The following PEX1 variants were observed in gnomAD, a reference collection of about 807,000 sequenced individuals.
The protein encoded by PEX1 is peroxisomal ATPase PEX1.
PEX1 carries 97 observed loss-of-function variants against 152.5 expected under a neutral mutation model. The observed-to-expected ratio is 0.64, with a 90% CI of 0.54 to 0.75. The LOEUF is 0.75. PEX1 is among the 30% of genes least tolerant of loss of function. The pLI, the probability that PEX1 is intolerant of heterozygous loss-of-function variation, is 0.00. For synonymous variants in PEX1, 485 were observed against 531.6 expected, an observed-to-expected ratio of 0.91 and a Z score of 1.21; for missense variants, 1,357 against 1,516.3, an observed-to-expected ratio of 0.89 and a Z score of 1.74.
intron 5 of PEX1, among the ~76,000 whole-genome samples, chr7:92,515,067 C>CTA (rs67750906): frequency 4.8e-5 from 6 of 125,156 alleles, no homozygotes; most frequent in Non-Finnish European, 8.3e-5. Flanking sequence ...AAAAAATTAT[C>CTA]TATATATATA....
intron 15 of PEX1, among the ~76,000 whole-genome samples, 196 bp from the exon 16 acceptor site, chr7:92,500,034 A>G (rs1306566925): frequency 6.6e-6 from 1 of 152,192 alleles, no homozygotes; most frequent in Non-Finnish European, 1.5e-5. Context: ...AACTACGACA[A>G]ATTTTTTCCA....
chr7:92,495,461 A>G (rs534596370), intron 17 of PEX1, among the ~76,000 whole-genome samples: 2 of 152,304 alleles, frequency 1.3e-5, no homozygotes, highest in South Asian at 4.1e-4. Context: ...TGATTTGTGT[A>G]AAGACTTCTT....
chr7:92,517,837 A>G lies in PEX1; in HGVS notation c.678T>C (p.Thr226=). 1 of 1,545,066 alleles carries G rather than the reference A, an allele frequency of 6.5e-7. No homozygotes were observed. Among genetic ancestry groups the G allele is most frequent in the Non-Finnish European group, 8.7e-7 (1 of 1,151,654 alleles). The change falls in exon 5 of 24, where the codon ACT becomes ACC. Residue 226 remains threonine, a synonymous_variant. Transcript: ENST00000248633. ...KQLQSNTVGI[T]ESNENESEIP... ...TCTCTGACTCGTTTTCATTAGATTC[A>G]GTGATTCCCACAGTATTTGACTGAA...
chr7:92,490,048 A>T (rs1407844232), intron 21 of PEX1, 137 bp from the exon 22 acceptor site: 1 of 736,562 alleles, frequency 1.4e-6, no homozygotes, highest in Non-Finnish European at 2.3e-6. Flanking sequence ...AATTAACTGA[A>T]ATTAAGCAAG....
chr7:92,487,680 G>A, intron 23 of PEX1, 139 bp from the exon 24 acceptor site: 1 of 465,326 alleles, frequency 2.1e-6, no homozygotes, highest in East Asian at 3.3e-5. Flanking sequence ...TCCAGTCACA[G>A]AAATTAAAAA....
intron 2 of PEX1, among the ~76,000 whole-genome samples, chr7:92,521,579 C>A (rs1259733148): frequency 6.6e-6 from 1 of 151,992 alleles, no homozygotes; most frequent in Non-Finnish European, 1.5e-5. Context: ...GGATTACAGG[C>A]ACCTGCCACC....
chr7:92,491,468 A>AAG lies in PEX1; in HGVS notation c.3241_3242insCT (p.Leu1081ProfsTer25). The stretch of plus-strand genomic sequence containing the variant: ...ATGGTTAAGAAAGACCATTGAAGAC[A>AAG]GACTTAGGTCACTATCAGAGCTGGA... On this transcript the variant is annotated frameshift_variant, in exon 21 of 24. Coordinates refer to ENST00000248633, the MANE Select transcript of PEX1 (RefSeq NM_000466.3). LOFTEE classifies it high-confidence loss of function. 1 of 1,613,050 alleles carries AAG rather than the reference A, an allele frequency of 6.2e-7. No homozygotes were observed. The highest frequency in any genetic ancestry group is 8.5e-7 in the Non-Finnish European group (1 of 1,179,090).
rs78396498 is a variant in PEX1, at chr7:92,526,655, T to C, written c.129+1652A>G. Among the ~76,000 whole-genome samples the C allele has an allele frequency of 3.0e-3, 464 of 152,334 alleles. 5 individuals are homozygous for C. Among genetic ancestry groups the C allele is most frequent in the African/African-American group, 0.011 (452 of 41,576 alleles). On this transcript the variant is annotated intron_variant, in intron 1 of 23. Coordinates refer to ENST00000248633, the MANE Select transcript of PEX1 (RefSeq NM_000466.3). The stretch of plus-strand genomic sequence containing the variant: ...TGGTCAATCATAGTAAACAATTAAA[T>C]AAATTATGGCAAATTTGTGCTAGAA...
chr7:92,493,250 A>G (rs1712787481), intron 19 of PEX1, 121 bp from the exon 20 acceptor site: 2 of 596,442 alleles, frequency 3.4e-6, no homozygotes. Context: ...TTTATAAGTA[A>G]GTTGAGAAAT....
intron 16 of PEX1, among the ~76,000 whole-genome samples, chr7:92,499,503 T>C (rs1313645646): frequency 1.3e-5 from 2 of 152,072 alleles, no homozygotes; most frequent in African/African-American, 2.4e-5. Flanking sequence ...GGCAAATCCA[T>C]AGAGACAAAA....
chr7:92,513,833 T>C lies in PEX1; in HGVS notation c.1359+15A>G, dbSNP rs1216417031. 3.8e-6 allele frequency: 6 copies of C among 1,580,036 alleles called. No individual in the cohort carries two copies. Among genetic ancestry groups the C allele is most frequent in the Non-Finnish European group, 4.3e-6 (5 of 1,151,914 alleles). ...TGTAAAAGAATTTTGATGTAACATATATATTTGAACTCACTAAATTCTCTC... is the reference window on the plus strand; with the variant it reads ...TGTAAAAGAATTTTGATGTAACATACATATTTGAACTCACTAAATTCTCTC... On this transcript the variant is annotated intron_variant, in intron 6 of 23. Transcript: ENST00000248633.
Position 92,503,179 on chromosome 7 carries a change from T to C in PEX1, c.2088A>G (p.Ile696Met), listed in dbSNP as rs35996821. The C allele has an allele frequency of 0.034, 54,665 of 1,613,270 alleles. 1,067 individuals carry two copies. The highest frequency in any genetic ancestry group is 0.063 in the Middle Eastern group (384 of 6,054). ...AACTTCCCATGGAGATAAACTCTTT[T>C]ATCATATCATTCAAAGCTGGAATTA... The part of the protein sequence containing the change: ...QRLAHALNDM[I>M]KEFISMGSLV... Residue 696 changes from isoleucine (I) to methionine (M), a missense_variant, in exon 13 of 24, where the codon ATA becomes ATG. By Grantham distance (10) the Ile-to-Met change is conservative (BLOSUM62 1). Coordinates refer to ENST00000248633, the MANE Select transcript of PEX1 (RefSeq NM_000466.3).
In PEX1 at chr7:92,519,045, A is replaced by G. The variant is rs1346480992; in HGVS notation, c.307T>C (p.Cys103Arg). 6.2e-7 allele frequency: 1 copy of G among 1,610,736 alleles called. No homozygotes were observed. Among genetic ancestry groups the G allele is most frequent in the African/African-American group, 1.3e-5 (1 of 74,898 alleles). Residue 103 changes from cysteine (C) to arginine (R), a missense_variant, in exon 3 of 24, where the codon TGT becomes CGT. Physicochemically the swap from Cys to Arg is radical, Grantham distance 180. Transcript: ENST00000248633. ...FLKPCSHVVS[C>R]QQVEVEPLSA... ...AGGGGTTCCACCTCAACTTGTTGACAAGATACCACATGGGAACATGGCTTG... is the reference window on the plus strand; with the variant it reads ...AGGGGTTCCACCTCAACTTGTTGACGAGATACCACATGGGAACATGGCTTG...
intron 17 of PEX1, among the ~76,000 whole-genome samples, chr7:92,495,760 T>C (rs1359244032): frequency 2.0e-5 from 3 of 152,124 alleles, no homozygotes; most frequent in Non-Finnish European, 4.4e-5. Flanking sequence ...ATCTTGGCTT[T>C]GTGAGCTTCT....
Position 92,513,926 on chromosome 7 carries a change from A to C in PEX1, c.1281T>G (p.His427Gln). The stretch of plus-strand genomic sequence containing the variant: ...CCACTGGAGTTATCCTGACTACGGC[A>C]TGCATTTCTATATTTAGTCTCTTCC... ...DLRKRLNIEMHAVVRITPVEV... is the reference protein window; with the variant it reads ...DLRKRLNIEMQAVVRITPVEV... The change falls in exon 6 of 24, where the codon CAT becomes CAG. Residue 427 changes from histidine to glutamine, a missense_variant. His to Gln is a conservative substitution (Grantham distance 24). Transcript: ENST00000248633. 6.3e-7 allele frequency: 1 copy of C among 1,591,250 alleles called. No homozygotes were observed. Among genetic ancestry groups the C allele is most frequent in the Non-Finnish European group, 8.6e-7 (1 of 1,160,310 alleles).
At chr7:92,518,848 G>A in intron 3 of PEX1, 147 bp downstream of exon 3, 1 of 690,118 alleles carries the variant, frequency 1.4e-6, no homozygotes, top group Non-Finnish European at 2.6e-6. Flanking sequence ...GGGACTATAG[G>A]CATGAGCTAC....
At chr7:92,512,947 T>C (rs1163197185) in intron 6 of PEX1, among the ~76,000 whole-genome samples, 1 of 152,080 alleles carries the variant, frequency 6.6e-6, no homozygotes, top group East Asian at 1.9e-4. Flanking sequence ...GATCTTTAAG[T>C]TCAATATCTC....
At chr7:92,516,851 C>A (rs1166738872) in intron 5 of PEX1, among the ~76,000 whole-genome samples, 2 of 152,176 alleles carry the variant, frequency 1.3e-5, no homozygotes, top group East Asian at 3.8e-4. Context: ...ATGGATCTCT[C>A]CCTACACTGG....
At chr7:92,506,159 G>A in intron 11 of PEX1, 89 bp downstream of exon 11, 1 of 780,030 alleles carries the variant, frequency 1.3e-6, no homozygotes, top group South Asian at 1.4e-5. Context: ...TAGATGATAT[G>A]TGTATTTATT....
Sources: gnomAD v4.1 joint callset for allele counts (sites outside exome capture counted in the v4.1 genomes callset) on GRCh38, gnomAD v4.1.1 for gene constraint, MANE v1.5 for transcripts, NCBI Gene and HGNC (gene_info 2026-07-23, HGNC 2026-07-21) for gene names.